The following NRG1 variants were observed in gnomAD, a reference collection of about 807,000 sequenced individuals.
NRG1 encodes neuregulin 1, also known as pro-neuregulin-1, membrane-bound isoform.
NRG1 carries 18 observed loss-of-function variants against 63.8 expected under a neutral mutation model. That is an observed-to-expected ratio of 0.28 (90% CI 0.19 to 0.42). The LOEUF (loss-of-function observed/expected upper bound fraction) is 0.42. Among genes scored for constraint, NRG1 ranks in the 10% least tolerant of loss-of-function variants. The probability of loss-of-function intolerance (pLI) is 1.00; values close to 1 mark genes in which losing one functional copy is unlikely to be tolerated. For synonymous variants in NRG1, 302 were observed against 301.3 expected (o/e 1.00, Z -0.02); for missense variants, 762 against 814.7 (o/e 0.94, Z 0.79).
chr8:32,228,277 A>T (rs1846541092), intron 1 of NRG1, among the ~76,000 whole-genome samples: 1 of 152,230 alleles, frequency 6.6e-6, no homozygotes, highest in South Asian at 2.1e-4. Flanking sequence ...TATTCCAAAA[A>T]ATATCACTTA....
intron 1 of NRG1, among the ~76,000 whole-genome samples, chr8:31,690,040 T>C (rs796105696): frequency 3.3e-5 from 5 of 152,320 alleles, no homozygotes; most frequent in African/African-American, 1.2e-4. Flanking sequence ...AATTGAATCA[T>C]GGGGGTTTTA....
At position 31,945,156 on chromosome 8, in the gene NRG1, G is replaced by A. The variant is rs1011727871; in HGVS notation, c.37+305725G>A. Among the ~76,000 whole-genome samples the A allele has an allele frequency of 2.1e-4, 32 of 152,034 alleles. 1 individual carries two copies. Among genetic ancestry groups the A allele is most frequent in the Admixed American group, 1.3e-4 (2 of 15,268 alleles). ...CTTACTCTGAGTAATATTTGAACATGACCCTGTGGATTCCCCATAACAATT... is the reference window on the plus strand; with the variant it reads ...CTTACTCTGAGTAATATTTGAACATAACCCTGTGGATTCCCCATAACAATT... On this transcript the variant is annotated intron_variant, in intron 1 of 10. Coordinates refer to the NRG1 transcript ENST00000519301.
intron 5 of NRG1, among the ~76,000 whole-genome samples, chr8:32,627,050 ATAT>A (rs71675922): frequency 0.023 from 3,476 of 151,710 alleles, 57 homozygotes; most frequent in Middle Eastern, 0.1. Flanking sequence ...GGAAAAGAAA[ATAT>A]TATTATTATT....
intron 1 of NRG1, among the ~76,000 whole-genome samples, chr8:32,315,719 G>A (rs1020075945): frequency 5.9e-5 from 9 of 152,166 alleles, no homozygotes; most frequent in African/African-American, 2.2e-4. Context: ...GTGAAATGAT[G>A]TAACTCTACG....
intron 5 of NRG1, among the ~76,000 whole-genome samples, chr8:32,727,747 A>G (rs1225965875): frequency 6.6e-6 from 1 of 152,178 alleles, no homozygotes; most frequent in African/African-American, 2.4e-5. Flanking sequence ...AGTTAACTCT[A>G]TAATTCTCTC....
intron 1 of NRG1, among the ~76,000 whole-genome samples, chr8:31,771,906 G>A (rs1248891668): frequency 6.6e-6 from 1 of 152,194 alleles, no homozygotes; most frequent in Non-Finnish European, 1.5e-5. Flanking sequence ...AGGTGTGAAT[G>A]TTGTACTGAT....
intron 1 of NRG1, among the ~76,000 whole-genome samples, chr8:32,171,072 G>T (rs1029149608): frequency 3.9e-5 from 6 of 152,072 alleles, no homozygotes; most frequent in African/African-American, 1.4e-4. Flanking sequence ...CTAGCTTGTT[G>T]GGGGGATAGG....
chr8:31,889,947 A>C (rs1831019949), intron 1 of NRG1, among the ~76,000 whole-genome samples: 1 of 152,156 alleles, frequency 6.6e-6, no homozygotes, highest in South Asian at 2.1e-4. Context: ...ATGTATATAA[A>C]GTGAAAAAAA....
At chr8:31,894,261 G>T (rs1563535795) in intron 1 of NRG1, among the ~76,000 whole-genome samples, 1 of 152,112 alleles carries the variant, frequency 6.6e-6, no homozygotes, top group Non-Finnish European at 1.5e-5. Flanking sequence ...AACAGTTTAT[G>T]CACAAAGAAT....
At chr8:32,020,102 A>G (rs1219702864) in intron 1 of NRG1, among the ~76,000 whole-genome samples, 2 of 152,196 alleles carry the variant, frequency 1.3e-5, no homozygotes, top group Non-Finnish European at 2.9e-5. Flanking sequence ...TTTGTTGGAA[A>G]TTGACATCTT....
intron 1 of NRG1, among the ~76,000 whole-genome samples, chr8:31,934,772 T>C (rs191598050): frequency 6.6e-6 from 1 of 152,162 alleles, no homozygotes; most frequent in Non-Finnish European, 1.5e-5. Flanking sequence ...TACCTACCTA[T>C]CTATTTTTTT....
At chr8:31,854,124 C>T (rs1164304037) in intron 1 of NRG1, among the ~76,000 whole-genome samples, 1 of 151,946 alleles carries the variant, frequency 6.6e-6, no homozygotes, top group African/African-American at 2.4e-5. Flanking sequence ...ATGCTGGCCT[C>T]ATAAAATGAG....
At chr8:32,206,583 C>T (rs1048862130) in intron 1 of NRG1, among the ~76,000 whole-genome samples, 2 of 152,112 alleles carry the variant, frequency 1.3e-5, no homozygotes, top group Non-Finnish European at 2.9e-5. Context: ...TCTTGTTGAC[C>T]TTCTCTGTAG....
At chr8:32,712,443 A>G (rs1039378236) in intron 5 of NRG1, among the ~76,000 whole-genome samples, 1 of 152,160 alleles carries the variant, frequency 6.6e-6, no homozygotes, top group African/African-American at 2.4e-5. Context: ...GGAATTTAGT[A>G]TGTCTCCTAT....
chr8:32,169,443 G>A (rs1839768158), intron 1 of NRG1, among the ~76,000 whole-genome samples: 1 of 152,146 alleles, frequency 6.6e-6, no homozygotes, highest in Non-Finnish European at 1.5e-5. Flanking sequence ...ACATAGTCCA[G>A]CTGACCAAAA....
intron 1 of NRG1, among the ~76,000 whole-genome samples, chr8:32,239,314 C>T (rs1257579436): frequency 6.9e-6 from 1 of 144,380 alleles, no homozygotes; most frequent in South Asian, 2.2e-4. Context: ...ATTGGATATC[C>T]AAAGGCAAAA....
intron 5 of NRG1, among the ~76,000 whole-genome samples, chr8:32,662,463 G>A (rs1408187284): frequency 6.6e-6 from 1 of 152,176 alleles, no homozygotes; most frequent in East Asian, 1.9e-4. Context: ...TCCACCGAAA[G>A]AGATGAGGAA....
intron 1 of NRG1, among the ~76,000 whole-genome samples, chr8:32,469,866 G>A (rs1823562668): frequency 1.3e-5 from 2 of 152,038 alleles, no homozygotes; most frequent in South Asian, 4.1e-4. Flanking sequence ...TTTTTTGTTT[G>A]TTTGTTTTTG....
chr8:32,583,078 C>T (rs1287342667), intron 1 of NRG1, among the ~76,000 whole-genome samples: 4 of 151,738 alleles, frequency 2.6e-5, no homozygotes, highest in African/African-American at 7.3e-5. Flanking sequence ...CAAGAATGAC[C>T]AAAAGTATAT....
Sources: gnomAD v4.1 joint callset for allele counts (sites outside exome capture counted in the v4.1 genomes callset) on GRCh38, gnomAD v4.1.1 for gene constraint, MANE v1.5 for transcripts, NCBI Gene and HGNC (gene_info 2026-07-23, HGNC 2026-07-21) for gene names.